Variants in TANGO6 observed in about 807,000 individuals in gnomAD.
The protein encoded by TANGO6 is transport and Golgi organization protein 6 homolog.
In TANGO6, 90 loss-of-function variants were observed where a neutral mutation model predicts 114.2. The ratio of observed to expected loss-of-function variants is 0.79; its 90% CI spans 0.66 to 0.94. TANGO6 has a LOEUF of 0.94. Ranked by LOEUF, TANGO6 falls within the 40% of genes least tolerant of loss-of-function variation. TANGO6 has a pLI of 0.00. For synonymous variants in TANGO6, 477 were observed against 509.8 expected (o/e 0.94, Z 0.87); for missense variants, 1,274 against 1,315.3 (o/e 0.97, Z 0.49).
intron 17 of TANGO6, among the ~76,000 whole-genome samples, chr16:69,051,569 G>C (rs1374524178): frequency 6.6e-6 from 1 of 152,214 alleles, no homozygotes; most frequent in Non-Finnish European, 1.5e-5. Context: ...TGTAATCCCA[G>C]CTACTCAGGA....
intron 14 of TANGO6, among the ~76,000 whole-genome samples, chr16:68,940,288 A>G (rs1360047222): frequency 6.6e-6 from 1 of 151,182 alleles, no homozygotes; most frequent in East Asian, 1.9e-4. Flanking sequence ...CTGGGCTGAA[A>G]CTACCCTCTG....
chr16:68,917,499 T>C (rs1441929942), intron 11 of TANGO6, among the ~76,000 whole-genome samples: 1 of 152,212 alleles, frequency 6.6e-6, no homozygotes, highest in African/African-American at 2.4e-5. Flanking sequence ...CCTAAGTGGC[T>C]GTACCATTTT....
At chr16:68,961,062 T>C (rs1414301814) in intron 14 of TANGO6, among the ~76,000 whole-genome samples, 1 of 152,172 alleles carries the variant, frequency 6.6e-6, no homozygotes, top group Non-Finnish European at 1.5e-5. Flanking sequence ...AACAAAGATA[T>C]CAACTAGGAA....
intron 16 of TANGO6, among the ~76,000 whole-genome samples, chr16:69,038,052 C>T (rs1176556205): frequency 2.0e-5 from 3 of 152,186 alleles, no homozygotes; most frequent in Admixed American, 2.0e-4. Context: ...TTTCTAAACA[C>T]AGTCTGGCTA....
chr16:68,915,586 C>T (rs1157495698), intron 11 of TANGO6, among the ~76,000 whole-genome samples: 2 of 152,154 alleles, frequency 1.3e-5, no homozygotes, highest in African/African-American at 4.8e-5. Context: ...AGAAGACTCC[C>T]TGGAGGCAAC....
intron 16 of TANGO6, among the ~76,000 whole-genome samples, chr16:69,029,329 G>A (rs1239130623): frequency 6.6e-6 from 1 of 152,192 alleles, no homozygotes; most frequent in Non-Finnish European, 1.5e-5. Context: ...TTTGGGCTCA[G>A]TTTCTTGATC....
intron 17 of TANGO6, among the ~76,000 whole-genome samples, chr16:69,048,303 T>C (rs1324574232): frequency 1.4e-5 from 2 of 146,176 alleles, no homozygotes. Context: ...GGTTTCGCCA[T>C]GTTGGCCAGG....
intron 15 of TANGO6, among the ~76,000 whole-genome samples, chr16:68,995,219 C>A (rs75089078): frequency 0.054 from 8,177 of 152,284 alleles, 304 homozygotes; most frequent in Non-Finnish European, 0.075. Context: ...CCCCTGAAAT[C>A]TTTTCTAACC....
In TANGO6 at chr16:68,859,888, G is replaced by C; in HGVS notation, c.99G>C (p.Ser33=). The part of the protein sequence containing the change: ...ALKLLLSPGG[S]GSSSLQVTKH... ...CCTTTTTTTCTTCTTCAAAAGGCTC[G>C]GGCTCAAGTTCACTACAGGTCACAA... is the stretch of plus-strand genomic sequence containing the variant. The change falls in exon 2 of 18, where the codon TCG becomes TCC. Residue 33 remains serine (S), a synonymous_variant. Transcript: ENST00000261778. 6.4e-7 allele frequency: 1 copy of C among 1,555,502 alleles called. No homozygotes were observed. Among genetic ancestry groups the C allele is most frequent in the Non-Finnish European group, 8.7e-7 (1 of 1,155,258 alleles).
At chr16:68,949,177 A>G (rs1240303163) in intron 14 of TANGO6, among the ~76,000 whole-genome samples, 4 of 151,922 alleles carry the variant, frequency 2.6e-5, no homozygotes, top group Non-Finnish European at 4.4e-5. Flanking sequence ...CAATAGTGAA[A>G]CTCCGTCTCA....
intron 4 of TANGO6, chr16:68,867,902 G>A (rs1482047314): frequency 6.6e-6 from 1 of 151,578 alleles, no homozygotes; most frequent in Non-Finnish European, 1.5e-5. Flanking sequence ...AGCACTTTGG[G>A]AGGCTGAGGC....
intron 13 of TANGO6, among the ~76,000 whole-genome samples, chr16:68,929,840 A>G (rs565511222): frequency 1.3e-5 from 2 of 152,338 alleles, no homozygotes; most frequent in South Asian, 4.1e-4. Flanking sequence ...TGTGAGTACA[A>G]GAGAAAAGGA....
chr16:68,864,891 A>G (rs1178929851), intron 3 of TANGO6, among the ~76,000 whole-genome samples: 4 of 152,178 alleles, frequency 2.6e-5, no homozygotes, highest in Admixed American at 2.6e-4. Flanking sequence ...GCACACCATA[A>G]TCCCTCAGTA....
chr16:68,941,005 T>C (rs917572503), intron 14 of TANGO6, among the ~76,000 whole-genome samples: 1 of 152,330 alleles, frequency 6.6e-6, no homozygotes, highest in Non-Finnish European at 1.5e-5. Context: ...TTTTATTTAC[T>C]TACTATAAGG....
At chr16:69,032,296 C>T (rs910493035) in intron 16 of TANGO6, among the ~76,000 whole-genome samples, 30 of 151,888 alleles carry the variant, frequency 2.0e-4, no homozygotes, top group African/African-American at 6.5e-4. Flanking sequence ...GACAGAGCCT[C>T]GCGCTGTCGC....
rs763066438 is a variant in TANGO6 at position 69,022,848 on chromosome 16, C to T, written c.2863C>T (p.Arg955Ter). ...TATAGGAGACATGGTCTCAAAGTAC[C>T]GAGAACCTTTGATCCATACCTTCCT... is the stretch of plus-strand genomic sequence containing the variant. ...RALGDMVSKY[R>*]EPLIHTFLRG... The change falls in exon 16 of 18, where the codon CGA becomes TGA. Residue 955 changes from arginine to a stop codon, truncating the protein, a stop_gained. Coordinates refer to ENST00000261778, the MANE Select transcript of TANGO6 (RefSeq NM_024562.2). LOFTEE classifies it high-confidence loss of function. 17 of 1,585,018 alleles carry T rather than the reference C, an allele frequency of 1.1e-5. No homozygotes were observed. The highest frequency in any genetic ancestry group is 2.3e-5 in the South Asian group (2 of 86,840).
rs190633398 is a variant in TANGO6 at position 69,084,702 on chromosome 16, C to T, written c.*1041C>T. The T allele has an allele frequency of 3.9e-5, 6 of 152,434 alleles. No individual in the cohort carries two copies. Among genetic ancestry groups the T allele is most frequent in the African/African-American group, 1.2e-4 (5 of 41,564 alleles). The allele number at this position is 152,434 out of a possible 1,614,324, so 9.4% of individuals were successfully genotyped here. ...TCTGTTGTCAACACCTTGATGAGGCCAACCCAGAGATGCTTGATCAGTCCT... is the reference window on the plus strand; with the variant it reads ...TCTGTTGTCAACACCTTGATGAGGCTAACCCAGAGATGCTTGATCAGTCCT... On this transcript the variant is annotated 3_prime_UTR_variant, in exon 18 of 18. Transcript: ENST00000261778.
Position 69,083,573 on chromosome 16 carries a change from A to G in TANGO6, c.3197A>G (p.Gln1066Arg). 1 of 1,606,816 alleles carries G rather than the reference A, an allele frequency of 6.2e-7. No individual in the cohort carries two copies. The highest frequency in any genetic ancestry group is 1.1e-5 in the South Asian group (1 of 89,400). The stretch of plus-strand genomic sequence containing the variant: ...GATGACGTGGCCAAGCTCCATGCCC[A>G]GTTGGCCCTAGAAGAGCTGGATGAC... The part of the protein sequence containing the change: ...EPDDVAKLHA[Q>R]LALEELDDIM... The change falls in exon 18 of 18, where the codon CAG (glutamine) becomes CGG (arginine). Residue 1066 changes from glutamine to arginine, a missense_variant. Physicochemically the swap from Gln to Arg is conservative, Grantham distance 43. This residue lies in a region of TANGO6 where 238 missense variants were observed against 252.9 expected (regional missense o/e 0.94). Coordinates refer to ENST00000261778, the MANE Select transcript of TANGO6 (RefSeq NM_024562.2).
intron 17 of TANGO6, among the ~76,000 whole-genome samples, chr16:69,067,867 G>A (rs1006866541): frequency 1.3e-5 from 2 of 151,018 alleles, no homozygotes; most frequent in Admixed American, 6.6e-5. Context: ...AACCCAGGAG[G>A]CGGAGGTTGT....
Sources: gnomAD v4.1 joint callset for allele counts (sites outside exome capture counted in the v4.1 genomes callset) on GRCh38, gnomAD v4.1.1 for gene constraint, gnomAD v4.1.1 regional missense constraint, MANE v1.5 for transcripts, NCBI Gene and HGNC (gene_info 2026-07-23, HGNC 2026-07-21) for gene names.